The following NUFIP1 variants were observed in gnomAD, a reference collection of about 807,000 sequenced individuals.
The protein encoded by NUFIP1 is nuclear FMR1 interacting protein 1.
A neutral mutation model predicts 56.2 loss-of-function variants in NUFIP1; 38 were observed. The observed-to-expected ratio is 0.68, with a 90% CI of 0.52 to 0.89. NUFIP1 has a LOEUF of 0.89. Ranked by LOEUF, NUFIP1 falls within the 40% of genes least tolerant of loss-of-function variation. The pLI is 0.00. For missense variants in NUFIP1, 567 were observed against 605.8 expected (o/e 0.94, Z 0.67); for synonymous variants, 215 against 212.4 (o/e 1.01, Z -0.10).
Position 44,941,186 on chromosome 13 carries a change from T to C in NUFIP1, c.*20A>G, listed in dbSNP as rs754305497. On this transcript the variant is annotated 3_prime_UTR_variant, in exon 10 of 10. Coordinates refer to ENST00000379161, the MANE Select transcript of NUFIP1 (RefSeq NM_012345.3). ...TACTGTTTCACATGCTTCAGTTATG[T>C]ATGCTGAAACACCAGATGCCTATAC... The C allele has an allele frequency of 3.3e-6, 4 of 1,217,744 alleles. No homozygotes were observed. The Admixed American group carries it at 5.5e-5, about 17-fold the overall frequency. 75.4% of individuals were successfully genotyped at this position (1,217,744 alleles called of 1,614,324 possible).
In NUFIP1 at chr13:44,980,937, T is replaced by C. The variant is rs1031941389; in HGVS notation, c.496-117A>G. On this transcript the variant is annotated intron_variant, in intron 2 of 9. Transcript: ENST00000379161. ...TGATGTTTCCAATAACCCTTTCGTG[T>C]GGGAGAAGCTTGTGAGTATATTTCC... is the stretch of plus-strand genomic sequence containing the variant. 9 of 598,728 alleles carry C rather than the reference T, an allele frequency of 1.5e-5. No individual in the cohort carries two copies. In the African/African-American group the frequency reaches 1.5e-4, roughly 10 times the overall value. 37.1% of individuals were successfully genotyped at this position (598,728 alleles called of 1,614,324 possible). A position where few individuals can be genotyped will look rare whatever the true frequency, so the allele number is the denominator to read the frequency against.
intron 6 of NUFIP1, among the ~76,000 whole-genome samples, chr13:44,963,060 A>T (rs1871477564): frequency 6.6e-6 from 1 of 152,174 alleles, no homozygotes; most frequent in Admixed American, 6.5e-5. Context: ...AAAGCTTATC[A>T]ATCTCCCCCA....
rs565190211 is a variant in NUFIP1, at chr13:44,971,678, T to C, written c.735-5742A>G. ...TTCTAGCCAATGAGATCTATATAAA[T>C]TATCTCCTGGTTGGAAATAAAAACA... On this transcript the variant is annotated intron_variant, in intron 5 of 9. Coordinates refer to ENST00000379161, the MANE Select transcript of NUFIP1 (RefSeq NM_012345.3). Among the ~76,000 whole-genome samples the C allele has an allele frequency of 2.6e-5, 4 of 152,290 alleles. No homozygotes were observed. In the East Asian group the frequency reaches 5.8e-4, roughly 22 times the overall value.
At chr13:44,981,391 C>T (rs143015417) in intron 2 of NUFIP1, among the ~76,000 whole-genome samples, 37 of 152,076 alleles carry the variant, frequency 2.4e-4, no homozygotes, top group Admixed American at 9.2e-4. Flanking sequence ...CATTTCTATA[C>T]TAACCGACTA....
intron 5 of NUFIP1, among the ~76,000 whole-genome samples, chr13:44,973,339 TATTA>T (rs1871867976): frequency 6.6e-6 from 1 of 152,192 alleles, no homozygotes; most frequent in African/African-American, 2.4e-5. Flanking sequence ...CAAGCATAAT[TATTA>T]ATCATATCAA....
At chr13:44,984,490 A>T (rs973735982) in intron 1 of NUFIP1, among the ~76,000 whole-genome samples, 1 of 151,962 alleles carries the variant, frequency 6.6e-6, no homozygotes, top group Non-Finnish European at 1.5e-5. Context: ...AAAATACAAA[A>T]AATTAGCCAG....
chr13:44,980,620 A>T, intron 3 of NUFIP1, 102 bp downstream of exon 3: 1 of 838,722 alleles, frequency 1.2e-6, no homozygotes, highest in South Asian at 1.6e-5. Flanking sequence ...CTCTACAGAA[A>T]CTATAAACTT....
At chr13:44,954,949 T>C (rs1244683322) in intron 7 of NUFIP1, among the ~76,000 whole-genome samples, 1 of 152,210 alleles carries the variant, frequency 6.6e-6, no homozygotes, top group East Asian at 1.9e-4. Context: ...GACTAATAAG[T>C]TGGGTTGCCT....
chr13:44,947,586 C>A (rs1321932833), intron 8 of NUFIP1, among the ~76,000 whole-genome samples: 1 of 152,078 alleles, frequency 6.6e-6, no homozygotes, highest in East Asian at 1.9e-4. Context: ...AAGAGGTGAT[C>A]TCAAAGATCC....
At chr13:44,948,557 G>T (rs1429113084) in intron 8 of NUFIP1, among the ~76,000 whole-genome samples, 1 of 152,184 alleles carries the variant, frequency 6.6e-6, no homozygotes, top group African/African-American at 2.4e-5. Context: ...ACATAGACAT[G>T]AATTTTCTCA....
chr13:44,949,894 T>G, intron 7 of NUFIP1, 56 bp from the exon 8 acceptor site: 9 of 1,017,388 alleles, frequency 8.8e-6, no homozygotes, highest in Non-Finnish European at 1.1e-5. Flanking sequence ...AAGCTGTCCA[T>G]CCCCCATTCC....
At chr13:44,962,936 T>C (rs1436559828) in intron 6 of NUFIP1, among the ~76,000 whole-genome samples, 1 of 152,176 alleles carries the variant, frequency 6.6e-6, no homozygotes. Flanking sequence ...AGGTGTGTAG[T>C]AGGCTGTATT....
At chr13:44,977,116 C>T (rs1339241891) in intron 5 of NUFIP1, among the ~76,000 whole-genome samples, 1 of 152,198 alleles carries the variant, frequency 6.6e-6, no homozygotes, top group South Asian at 2.1e-4. Context: ...TTGGCTAAGG[C>T]TCCCTTATCA....
At chr13:44,952,518 T>A (rs1402288778) in intron 7 of NUFIP1, among the ~76,000 whole-genome samples, 1 of 152,180 alleles carries the variant, frequency 6.6e-6, no homozygotes, top group Non-Finnish European at 1.5e-5. Flanking sequence ...TTCTTCACAA[T>A]CCAATTCATG....
chr13:44,949,608 G>A (rs1871017485), intron 8 of NUFIP1, 114 bp downstream of exon 8: 4 of 647,442 alleles, frequency 6.2e-6, no homozygotes, highest in South Asian at 2.1e-5. Context: ...AAATGGAAAA[G>A]GAATTTGAAA....
intron 5 of NUFIP1, among the ~76,000 whole-genome samples, chr13:44,967,253 C>T (rs577458920): frequency 9.2e-5 from 14 of 151,806 alleles, no homozygotes; most frequent in African/African-American, 3.4e-4. Context: ...TGAAAGAGGC[C>T]GGGTGTGGTG....
At chr13:44,943,965 T>C (rs989193549) in intron 8 of NUFIP1, among the ~76,000 whole-genome samples, 1 of 152,174 alleles carries the variant, frequency 6.6e-6, no homozygotes, top group Non-Finnish European at 1.5e-5. Flanking sequence ...AAAGGAAGGA[T>C]AAGTGCTGGA....
chr13:44,943,562 T>A lies in NUFIP1; in HGVS notation c.1251A>T (p.Glu417Asp). The A allele has an allele frequency of 6.2e-7, 1 of 1,614,194 alleles. No individual in the cohort carries two copies. Among genetic ancestry groups the A allele is most frequent in the Non-Finnish European group, 8.5e-7 (1 of 1,180,010 alleles). ...TTTTCTTTCGGTTCTCACTCTTGGCTTCTGAAAAATTTCTAACAGTTGCTT... is the reference window on the plus strand; with the variant it reads ...TTTTCTTTCGGTTCTCACTCTTGGCATCTGAAAAATTTCTAACAGTTGCTT... ...DVKATVRNFS[E>D]AKSENRKKSF... Residue 417 changes from glutamate to aspartate, a missense_variant, in exon 9 of 10, where the codon GAA becomes GAT. By Grantham distance (45) the Glu-to-Asp change is conservative (BLOSUM62 2). Transcript: ENST00000379161.
rs758747869 is a variant in NUFIP1 at position 44,982,129 on chromosome 13, C to A, written c.438G>T (p.Lys146Asn). Reference protein sequence around the residue: ...PAVKNSYYPRKYDAKFTDFSL... With the variant: ...PAVKNSYYPRNYDAKFTDFSL... ...TGAAGTCTGTGAATTTTGCATCATA[C>A]TTTCGTGGATAATAAGAATTTTTAA... Residue 146 changes from lysine (K) to asparagine (N), a missense_variant, in exon 2 of 10, where the codon AAG becomes AAT. Coordinates refer to ENST00000379161, the MANE Select transcript of NUFIP1 (RefSeq NM_012345.3). 2 of 1,488,980 alleles carry A rather than the reference C, an allele frequency of 1.3e-6. No homozygotes were observed. The highest frequency in any genetic ancestry group is 4.4e-5 in the Admixed American group (2 of 45,136). 92.2% of individuals were successfully genotyped at this position (1,488,980 alleles called of 1,614,324 possible). A position where few individuals can be genotyped will look rare whatever the true frequency, so the allele number is the denominator to read the frequency against.
Sources: allele counts gnomAD v4.1 joint callset (sites outside exome capture counted in the v4.1 genomes callset), GRCh38; gene constraint gnomAD v4.1.1; transcripts MANE v1.5; gene names NCBI Gene and HGNC (gene_info 2026-07-23, HGNC 2026-07-21).